Variants in ARHGAP10 observed in about 807,000 individuals in gnomAD.
The protein encoded by ARHGAP10 is Rho GTPase activating protein 10, also known as rho GTPase-activating protein 10.
ARHGAP10 carries 87 observed loss-of-function variants against 108.6 expected under a neutral mutation model. That is an observed-to-expected ratio of 0.80 (90% CI 0.67 to 0.96). The LOEUF (loss-of-function observed/expected upper bound fraction) is 0.96. Ranked by LOEUF, ARHGAP10 falls within the 40% of genes least tolerant of loss-of-function variation. The pLI is 0.00. For synonymous variants in ARHGAP10, 347 were observed against 341.1 expected, an observed-to-expected ratio of 1.02 and a Z score of -0.19; for missense variants, 939 against 954.5, an observed-to-expected ratio of 0.98 and a Z score of 0.21.
chr4:147,960,886 A>G (rs962962396), intron 16 of ARHGAP10, among the ~76,000 whole-genome samples: 2 of 152,350 alleles, frequency 1.3e-5, no homozygotes, highest in Admixed American at 6.5e-5. Context: ...TCTCTGTTGT[A>G]TGAAACATTC....
intron 1 of ARHGAP10, among the ~76,000 whole-genome samples, chr4:147,803,690 T>G (rs1731668722): frequency 6.6e-6 from 1 of 152,222 alleles, no homozygotes; most frequent in Non-Finnish European, 1.5e-5. Context: ...GATACTTGTC[T>G]TTCTGTGTGT....
chr4:147,802,523 T>A (rs1194799060), intron 1 of ARHGAP10, among the ~76,000 whole-genome samples: 1 of 152,260 alleles, frequency 6.6e-6, no homozygotes, highest in East Asian at 1.9e-4. Flanking sequence ...CTTTGGACCA[T>A]GTTTGTAGCC....
chr4:148,068,680 G>A (rs1730011937), intron 22 of ARHGAP10, among the ~76,000 whole-genome samples: 1 of 152,216 alleles, frequency 6.6e-6, no homozygotes, highest in South Asian at 2.1e-4. Flanking sequence ...TCAAGCTACT[G>A]GTTGCCTCGG....
intron 20 of ARHGAP10, 127 bp downstream of exon 20, chr4:148,047,178 CA>C: frequency 2.6e-6 from 3 of 1,135,578 alleles, no homozygotes; most frequent in Non-Finnish European, 3.6e-6. Flanking sequence ...GTTTTCTTAT[CA>C]GAAGGGCCAC....
At position 147,767,499 on chromosome 4, in the gene ARHGAP10, A is replaced by T. The variant is rs1042386211; in HGVS notation, c.154+35044A>T. On this transcript the variant is annotated intron_variant, in intron 1 of 22. Transcript: ENST00000336498. ...TGAGAGTTACCTAAATAATAACTTT[A>T]AAAAATAGCTGGTTTTGCTCCTATA... Among the ~76,000 whole-genome samples the T allele has an allele frequency of 2.0e-5, 3 of 152,238 alleles. No homozygotes were observed. In the South Asian group the frequency reaches 6.2e-4, roughly 32 times the overall value.
intron 4 of ARHGAP10, among the ~76,000 whole-genome samples, chr4:147,856,484 C>G (rs552298842): frequency 1.2e-3 from 186 of 152,320 alleles, no homozygotes; most frequent in Non-Finnish European, 1.9e-3. Flanking sequence ...TGAAATGACA[C>G]TACAAGTGGA....
chr4:148,017,679 T>A lies in ARHGAP10; in HGVS notation c.1717-5584T>A, dbSNP rs191727737. On this transcript the variant is annotated intron_variant, in intron 18 of 22. Coordinates refer to ENST00000336498, the MANE Select transcript of ARHGAP10 (RefSeq NM_024605.4). ...ATATATATATATATATATATATATA[T>A]ATATGTGTGTGTATGTAAAGGAATT... 4.0e-3 allele frequency among the ~76,000 whole-genome samples: 462 copies of A among 114,732 alleles called. 8 individuals carry two copies. Among genetic ancestry groups the A allele is most frequent in the African/African-American group, 0.014 (334 of 24,276 alleles). The allele number at this position is 114,732 out of a possible 152,430, so 75.3% of individuals were successfully genotyped here.
intron 13 of ARHGAP10, among the ~76,000 whole-genome samples, chr4:147,934,527 A>G (rs538199406): frequency 1.3e-5 from 2 of 152,254 alleles, no homozygotes; most frequent in Admixed American, 6.5e-5. Context: ...TGTGACTAAG[A>G]TTGTGGACTT....
intron 20 of ARHGAP10, among the ~76,000 whole-genome samples, chr4:148,060,344 AGTTTTT>A (rs1483725797): frequency 1.7e-5 from 2 of 120,834 alleles, no homozygotes; most frequent in African/African-American, 3.0e-5. Context: ...GCTCATGTTT[AGTTTTT>A]TTTTTTTTTT....
At chr4:148,035,278 T>C (rs1312272123) in intron 19 of ARHGAP10, among the ~76,000 whole-genome samples, 4 of 152,244 alleles carry the variant, frequency 2.6e-5, no homozygotes, top group Non-Finnish European at 4.4e-5. Context: ...AAATAAAATG[T>C]ACTTATTAAG....
At chr4:148,067,091 T>C (rs1222729357) in intron 22 of ARHGAP10, among the ~76,000 whole-genome samples, 1 of 152,186 alleles carries the variant, frequency 6.6e-6, no homozygotes, top group East Asian at 1.9e-4. Flanking sequence ...GTGGATGTGT[T>C]GACACTCTCT....
chr4:147,787,709 C>T (rs569567285), intron 1 of ARHGAP10, among the ~76,000 whole-genome samples: 32 of 152,268 alleles, frequency 2.1e-4, no homozygotes, highest in African/African-American at 6.7e-4. Flanking sequence ...CCCTGTTGTC[C>T]TTCTCATTTC....
intron 1 of ARHGAP10, among the ~76,000 whole-genome samples, chr4:147,740,286 G>T (rs1728607399): frequency 6.6e-6 from 1 of 152,102 alleles, no homozygotes; most frequent in African/African-American, 2.4e-5. Context: ...CTGAACTCCT[G>T]ACCTCAGTGA....
chr4:148,010,641 C>T (rs1741134310), intron 18 of ARHGAP10, among the ~76,000 whole-genome samples: 1 of 152,104 alleles, frequency 6.6e-6, no homozygotes, highest in Non-Finnish European at 1.5e-5. Flanking sequence ...CTCCTAAAAA[C>T]AAGGACAAAT....
At chr4:148,037,217 G>A (rs959039252) in intron 19 of ARHGAP10, among the ~76,000 whole-genome samples, 2 of 152,316 alleles carry the variant, frequency 1.3e-5, no homozygotes, top group South Asian at 2.1e-4. Flanking sequence ...TGTTCTGGAA[G>A]TCATGCTCCT....
intron 19 of ARHGAP10, among the ~76,000 whole-genome samples, chr4:148,040,836 G>T (rs969704476): frequency 5.9e-5 from 9 of 152,108 alleles, no homozygotes; most frequent in Non-Finnish European, 1.3e-4. Context: ...TTTGGTGTAT[G>T]TGTGAGGGAG....
At chr4:147,789,708 C>CCA (rs2126744365) in intron 1 of ARHGAP10, among the ~76,000 whole-genome samples, 1 of 152,350 alleles carries the variant, frequency 6.6e-6, no homozygotes, top group African/African-American at 2.4e-5. Context: ...ACTAACTGGC[C>CCA]TGCCCAGTGC....
chr4:147,933,782 A>G (rs1053853780), intron 13 of ARHGAP10, among the ~76,000 whole-genome samples: 10 of 152,186 alleles, frequency 6.6e-5, no homozygotes, highest in African/African-American at 2.4e-4. Context: ...TGACTATAGC[A>G]GAATGGGCTG....
At chr4:147,779,959 G>A (rs1263861550) in intron 1 of ARHGAP10, among the ~76,000 whole-genome samples, 1 of 152,152 alleles carries the variant, frequency 6.6e-6, no homozygotes, top group Non-Finnish European at 1.5e-5. Flanking sequence ...GTATGAGTGG[G>A]ACAATGTCAC....
Sources: allele counts gnomAD v4.1 joint callset (sites outside exome capture counted in the v4.1 genomes callset), GRCh38; gene constraint gnomAD v4.1.1; transcripts MANE v1.5; gene names NCBI Gene and HGNC (gene_info 2026-07-23, HGNC 2026-07-21).